The following FRMD4B variants were observed in gnomAD, a reference collection of about 807,000 sequenced individuals.
FRMD4B encodes the protein FERM domain containing 4B, also known as FERM domain-containing protein 4B.
In FRMD4B, 74 loss-of-function variants were observed where a neutral mutation model predicts 141.5. That is an observed-to-expected ratio of 0.52 (90% CI 0.43 to 0.63). The LOEUF (loss-of-function observed/expected upper bound fraction) is 0.63. Ranked by LOEUF, FRMD4B falls within the 30% of genes least tolerant of loss-of-function variation. The pLI is 0.00. For synonymous variants in FRMD4B, 506 were observed against 467.9 expected (o/e 1.08, Z -1.05); for missense variants, 1,366 against 1,253.4 (o/e 1.09, Z -1.36).
intron 1 of FRMD4B, among the ~76,000 whole-genome samples, chr3:69,473,718 A>C (rs909441410): frequency 5.9e-5 from 9 of 152,212 alleles, no homozygotes; most frequent in Non-Finnish European, 1.3e-4. Flanking sequence ...AATACAACTA[A>C]TATAATTTAT....
At chr3:69,535,919 C>T (rs1455245079) in intron 1 of FRMD4B, 1 of 395,758 alleles carries the variant, frequency 2.5e-6, no homozygotes, top group African/African-American at 2.1e-5. Context: ...GTTTTGAACT[C>T]TTACTCCCAG....
intron 1 of FRMD4B, among the ~76,000 whole-genome samples, chr3:69,318,455 A>T (rs995090075): frequency 6.6e-6 from 1 of 152,200 alleles, no homozygotes; most frequent in Non-Finnish European, 1.5e-5. Flanking sequence ...AGAGAGGCTG[A>T]CATCTGGGGA....
intron 11 of FRMD4B, 130 bp downstream of exon 11, chr3:69,216,133 G>A (rs575153760): frequency 2.1e-4 from 115 of 550,332 alleles, no homozygotes; most frequent in African/African-American, 5.6e-4. Flanking sequence ...CAGCTTGGGC[G>A]ACAAAGTGAG....
At chr3:69,420,392 A>C (rs1334637438) in intron 2 of FRMD4B, among the ~76,000 whole-genome samples, 2 of 151,966 alleles carry the variant, frequency 1.3e-5, no homozygotes, top group Non-Finnish European at 2.9e-5. Context: ...TCATGATCAG[A>C]TTTATTTCTC....
intron 1 of FRMD4B, among the ~76,000 whole-genome samples, chr3:69,474,827 A>G (rs1476468274): frequency 1.3e-5 from 2 of 152,152 alleles, no homozygotes; most frequent in African/African-American, 4.8e-5. Context: ...GATGTGGAAG[A>G]CGGACTGTTT....
intron 2 of FRMD4B, among the ~76,000 whole-genome samples, chr3:69,401,216 A>G (rs1489894488): frequency 6.6e-6 from 1 of 152,228 alleles, no homozygotes; most frequent in Non-Finnish European, 1.5e-5. Flanking sequence ...GTTGTGATGA[A>G]AGTAGAACAT....
At chr3:69,542,189 G>A (rs1294011855) in intron 1 of FRMD4B, 8 of 152,062 alleles carry the variant, frequency 5.3e-5, no homozygotes, top group African/African-American at 1.7e-4. Flanking sequence ...GGGAGCCCGG[G>A]GCGGTCGCCC....
intron 1 of FRMD4B, among the ~76,000 whole-genome samples, chr3:69,372,170 T>C (rs560855171): frequency 1.3e-5 from 2 of 152,326 alleles, no homozygotes; most frequent in African/African-American, 4.8e-5. Flanking sequence ...CGTGCCAAGC[T>C]CCTTCTCATC....
chr3:69,260,684 C>T lies in FRMD4B; in HGVS notation c.502-10585G>A, dbSNP rs927188031. On this transcript the variant is annotated intron_variant, in intron 5 of 22. Transcript: ENST00000398540. ...GGAAACTCTGCCCGCAGCCCCAGCA[C>T]GGGATCCACTAGGCGAAGCCAGATG... Among the ~76,000 whole-genome samples the T allele has an allele frequency of 2.6e-5, 4 of 152,238 alleles. No individual in the cohort carries two copies. In the South Asian group the frequency reaches 6.2e-4, roughly 24 times the overall value.
intron 1 of FRMD4B, among the ~76,000 whole-genome samples, chr3:69,529,361 G>C (rs1700981074): frequency 6.6e-6 from 1 of 152,140 alleles, no homozygotes; most frequent in East Asian, 1.9e-4. Context: ...GTAGCCTATG[G>C]GCCATTAGTT....
intron 1 of FRMD4B, among the ~76,000 whole-genome samples, chr3:69,384,427 A>G (rs746814249): frequency 1.3e-5 from 2 of 152,222 alleles, no homozygotes; most frequent in Non-Finnish European, 2.9e-5. Flanking sequence ...AAGGAAAAAC[A>G]AAATTACATA....
intron 1 of FRMD4B, among the ~76,000 whole-genome samples, chr3:69,454,808 G>A (rs72931893): frequency 2.0e-3 from 303 of 152,366 alleles, no homozygotes; most frequent in African/African-American, 6.8e-3. Flanking sequence ...GGGCTGAGGA[G>A]GGCAGGCGCA....
chr3:69,204,732 C>A (rs1197532246), intron 11 of FRMD4B, among the ~76,000 whole-genome samples: 4 of 152,166 alleles, frequency 2.6e-5, no homozygotes, highest in African/African-American at 9.7e-5. Context: ...AAGTGACAGT[C>A]ATACAACAAA....
intron 11 of FRMD4B, among the ~76,000 whole-genome samples, chr3:69,206,430 A>G (rs1422882582): frequency 6.6e-6 from 1 of 152,254 alleles, no homozygotes; most frequent in Non-Finnish European, 1.5e-5. Flanking sequence ...AGAAAAGTTT[A>G]GACAAAGAAG....
chr3:69,522,502 G>T (rs1700868623), intron 1 of FRMD4B, among the ~76,000 whole-genome samples: 1 of 152,132 alleles, frequency 6.6e-6, no homozygotes, highest in South Asian at 2.1e-4. Flanking sequence ...AGCAAGAGAG[G>T]CTGAGCAATG....
At chr3:69,496,617 GAGAGAGAGAGAGAGAGAGAA>G (rs1196353720) in intron 1 of FRMD4B, among the ~76,000 whole-genome samples, 15 of 116,110 alleles carry the variant, frequency 1.3e-4, no homozygotes, top group African/African-American at 2.5e-4. Flanking sequence ...GAGAGTGAGA[GAGAGAGAGAGAGAGAGAGAA>G]AGAGAGAGAG....
intron 5 of FRMD4B, among the ~76,000 whole-genome samples, chr3:69,260,639 C>T (rs115051275): frequency 0.015 from 2,313 of 152,362 alleles, 37 homozygotes; most frequent in Non-Finnish European, 0.021. Flanking sequence ...GGAGTGCAGG[C>T]GCGTGGTGCG....
At chr3:69,200,488 G>A in intron 11 of FRMD4B, 1 of 988,946 alleles carries the variant, frequency 1.0e-6, no homozygotes, top group Non-Finnish European at 1.2e-6. Flanking sequence ...CCCCCTCCCA[G>A]ACGGCAGCTC....
At chr3:69,503,548 G>C (rs1441476416) in intron 1 of FRMD4B, among the ~76,000 whole-genome samples, 1 of 100,012 alleles carries the variant, frequency 1.0e-5, no homozygotes, top group African/African-American at 4.0e-5. Flanking sequence ...GGTGGGGGGA[G>C]GGGGGAGGGA....
Sources: gnomAD v4.1 joint callset for allele counts (sites outside exome capture counted in the v4.1 genomes callset) on GRCh38, gnomAD v4.1.1 for gene constraint, MANE v1.5 for transcripts, NCBI Gene and HGNC (gene_info 2026-07-23, HGNC 2026-07-21) for gene names.